CDH12: variants seen among roughly 807,000 people sequenced by gnomAD.
The protein encoded by CDH12 is cadherin 12.
CDH12 carries 41 observed loss-of-function variants against 74.1 expected under a neutral mutation model. The observed-to-expected ratio is 0.55, with a 90% CI of 0.43 to 0.72. CDH12 has a LOEUF of 0.72. Ranked by LOEUF, CDH12 falls within the 30% of genes least tolerant of loss-of-function variation. The pLI, the probability that CDH12 is intolerant of heterozygous loss-of-function variation, is 0.00. For synonymous variants in CDH12, 399 were observed against 355.0 expected, an observed-to-expected ratio of 1.12 and a Z score of -1.39; for missense variants, 945 against 977.2, an observed-to-expected ratio of 0.97 and a Z score of 0.44.
At chr5:21,758,296 T>A (rs192499483) in intron 13 of CDH12, among the ~76,000 whole-genome samples, 1 of 152,270 alleles carries the variant, frequency 6.6e-6, no homozygotes, top group Non-Finnish European at 1.5e-5. Context: ...CTTATGGCCA[T>A]TTCTCACATT....
intron 1 of CDH12, among the ~76,000 whole-genome samples, chr5:22,583,573 T>G (rs1740214241): frequency 6.6e-6 from 1 of 152,172 alleles, no homozygotes; most frequent in Admixed American, 6.5e-5. Context: ...ATGTTCTGTT[T>G]GTAACACATG....
intron 3 of CDH12, among the ~76,000 whole-genome samples, chr5:22,234,865 T>A (rs1752508694): frequency 6.6e-6 from 1 of 152,040 alleles, no homozygotes; most frequent in Non-Finnish European, 1.5e-5. Context: ...CAACTTAGAA[T>A]ACAATAATTT....
At chr5:22,222,054 T>C (rs1752036283) in intron 3 of CDH12, among the ~76,000 whole-genome samples, 1 of 152,000 alleles carries the variant, frequency 6.6e-6, no homozygotes, top group African/African-American at 2.4e-5. Flanking sequence ...GCTCTTACAA[T>C]GCTTAATGTA....
chr5:22,043,779 C>T (rs1468699888), intron 5 of CDH12, among the ~76,000 whole-genome samples: 1 of 150,470 alleles, frequency 6.6e-6, no homozygotes, highest in Non-Finnish European at 1.5e-5. Flanking sequence ...CATAAAAAAG[C>T]AATAGTGTTG....
At chr5:22,261,724 G>T (rs1384174149) in intron 3 of CDH12, among the ~76,000 whole-genome samples, 3 of 149,366 alleles carry the variant, frequency 2.0e-5, no homozygotes, top group African/African-American at 7.5e-5. Context: ...ATATTTAGTT[G>T]TTTTTAAATT....
At chr5:22,369,499 T>C (rs901149861) in intron 3 of CDH12, among the ~76,000 whole-genome samples, 2 of 152,110 alleles carry the variant, frequency 1.3e-5, no homozygotes, top group Admixed American at 6.6e-5. Flanking sequence ...AAAAAATACA[T>C]ACAAAGAGAA....
At chr5:22,806,843 T>C (rs1748842344) in intron 1 of CDH12, among the ~76,000 whole-genome samples, 1 of 152,186 alleles carries the variant, frequency 6.6e-6, no homozygotes, top group Admixed American at 6.5e-5. Flanking sequence ...TGTAAATTTG[T>C]TTAAGTTATT....
At chr5:21,827,488 A>G (rs1459967250) in intron 8 of CDH12, among the ~76,000 whole-genome samples, 1 of 152,124 alleles carries the variant, frequency 6.6e-6, no homozygotes, top group East Asian at 1.9e-4. Context: ...AAGAAAAGAA[A>G]ACTTATTACA....
At chr5:21,863,763 G>T (rs1751176794) in intron 6 of CDH12, among the ~76,000 whole-genome samples, 1 of 152,102 alleles carries the variant, frequency 6.6e-6, no homozygotes, top group Non-Finnish European at 1.5e-5. Flanking sequence ...AATCACATAG[G>T]CAAGAAGACT....
chr5:22,072,163 A>G (rs1179242825), intron 5 of CDH12, among the ~76,000 whole-genome samples: 1 of 151,970 alleles, frequency 6.6e-6, no homozygotes, highest in African/African-American at 2.4e-5. Flanking sequence ...GTCATTCTAG[A>G]ATTGCAATTC....
At chr5:22,578,852 TC>T (rs1286256887) in intron 1 of CDH12, among the ~76,000 whole-genome samples, 1 of 152,204 alleles carries the variant, frequency 6.6e-6, no homozygotes, top group Non-Finnish European at 1.5e-5. Context: ...TTGTTTCTTC[TC>T]TTCTGTTGCT....
intron 6 of CDH12, among the ~76,000 whole-genome samples, chr5:21,972,721 A>T (rs1756904779): frequency 6.6e-6 from 1 of 152,152 alleles, no homozygotes; most frequent in Non-Finnish European, 1.5e-5. Context: ...ATGTGAGATT[A>T]TGGGGAAAGA....
At chr5:22,100,060 C>T (rs745878080) in intron 4 of CDH12, among the ~76,000 whole-genome samples, 4 of 152,124 alleles carry the variant, frequency 2.6e-5, no homozygotes, top group Non-Finnish European at 5.9e-5. Flanking sequence ...TCTCTCCATA[C>T]CATCCCCCAA....
intron 1 of CDH12, among the ~76,000 whole-genome samples, chr5:22,509,356 A>T (rs1031650550): frequency 6.6e-6 from 1 of 152,222 alleles, no homozygotes; most frequent in Admixed American, 6.5e-5. Flanking sequence ...AGCAAATCTC[A>T]TAAAAGTTTT....
At chr5:22,034,609 C>T (rs995547752) in intron 5 of CDH12, among the ~76,000 whole-genome samples, 1 of 152,132 alleles carries the variant, frequency 6.6e-6, no homozygotes, top group African/African-American at 2.4e-5. Context: ...TTTCTAGTCT[C>T]ACTCTTTTAC....
At chr5:22,114,110 A>G (rs1175903059) in intron 4 of CDH12, among the ~76,000 whole-genome samples, 1 of 152,140 alleles carries the variant, frequency 6.6e-6, no homozygotes, top group Non-Finnish European at 1.5e-5. Context: ...TCCCCACAGG[A>G]AACAGCAGTA....
intron 1 of CDH12, among the ~76,000 whole-genome samples, chr5:22,612,426 T>C (rs1438422641): frequency 1.3e-5 from 2 of 152,132 alleles, no homozygotes; most frequent in Admixed American, 1.3e-4. Flanking sequence ...AATATGATGG[T>C]TGGATAATAC....
At chr5:21,904,336 G>A (rs1753536016) in intron 6 of CDH12, among the ~76,000 whole-genome samples, 1 of 152,100 alleles carries the variant, frequency 6.6e-6, no homozygotes. Flanking sequence ...AGGAAAAAGG[G>A]GAGAGAACAC....
chr5:21,911,566 T>C (rs1034165727), intron 6 of CDH12, among the ~76,000 whole-genome samples: 1 of 152,118 alleles, frequency 6.6e-6, no homozygotes. Context: ...TAAAGTCATA[T>C]ATAGCTTATA....
Sources: allele counts gnomAD v4.1 joint callset (sites outside exome capture counted in the v4.1 genomes callset), GRCh38; gene constraint gnomAD v4.1.1; transcripts MANE v1.5; gene names NCBI Gene and HGNC (gene_info 2026-07-23, HGNC 2026-07-21).